ANKRD52: variants seen among roughly 807,000 people sequenced by gnomAD.
The protein encoded by ANKRD52 is serine/threonine-protein phosphatase 6 regulatory ankyrin repeat subunit C.
A neutral mutation model predicts 116.0 loss-of-function variants in ANKRD52; 7 were observed. The observed-to-expected ratio is 0.06, with a 90% CI of 0.03 to 0.11. ANKRD52 has a LOEUF of 0.11. ANKRD52 is among the 10% of genes least tolerant of loss of function. The pLI is 1.00. For synonymous variants in ANKRD52, 528 were observed against 578.1 expected (o/e 0.91, Z 1.24); for missense variants, 839 against 1,408.6 (o/e 0.60, Z 6.47).
Position 56,253,138 on chromosome 12 carries a change from G to T in ANKRD52, c.1101-52C>A. 2.0e-6 allele frequency: 3 copies of T among 1,489,302 alleles called. No individual in the cohort carries two copies. In the South Asian group the frequency reaches 3.9e-5, roughly 19 times the overall value. The allele number at this position is 1,489,302 out of a possible 1,614,324, so 92.3% of individuals were successfully genotyped here. On this transcript the variant is annotated intron_variant, in intron 10 of 27. Transcript: ENST00000267116. This position sits in a 1 kb window ranked among gnomAD's most constrained non-coding sequence, Gnocchi z 5.5. ...CTTGGGTCAAGGAGGGACCAAGTAA[G>T]ACCTCTTCTGTGACCTACCACCACC...
chr12:56,243,095 T>C lies in ANKRD52; in HGVS notation c.*47A>G, dbSNP rs993698975. 3.3e-6 allele frequency: 5 copies of C among 1,514,566 alleles called. No homozygotes were observed. Among genetic ancestry groups the C allele is most frequent in the East Asian group, 2.4e-5 (1 of 41,808 alleles). 93.8% of individuals were successfully genotyped at this position (1,514,566 alleles called of 1,614,324 possible). ...AATGTTTAGACTTTTTCTAAATAAA[T>C]AGAATTAGATATCAAGCCACCGGCG... On this transcript the variant is annotated 3_prime_UTR_variant, in exon 28 of 28. Transcript: ENST00000267116. The surrounding 1 kb of genome is among the most constrained non-coding windows in gnomAD (Gnocchi z 4.6).
At position 56,255,849 on chromosome 12, in the gene ANKRD52, G is replaced by T; in HGVS notation, c.397C>A (p.Leu133Ile). 6.3e-7 allele frequency: 1 copy of T among 1,578,644 alleles called. No individual in the cohort carries two copies. Among genetic ancestry groups the T allele is most frequent in the Admixed American group, 1.8e-5 (1 of 55,130 alleles). The change falls in exon 5 of 28, where the codon CTC becomes ATC. Residue 133 changes from leucine (L) to isoleucine (I), a missense_variant. By Grantham distance (5) the Leu-to-Ile change is conservative. Coordinates refer to ENST00000267116, the MANE Select transcript of ANKRD52 (RefSeq NM_173595.4). The surrounding 1 kb of genome is among the most constrained non-coding windows in gnomAD (Gnocchi z 4.3). Reference sequence around the variant, plus strand: ...CGCCCGCTCCTGTCAGCCACGTTGAGGCTGCTCAACAGGGGTGCCAGAGCC... The same window carrying T: ...CGCCCGCTCCTGTCAGCCACGTTGATGCTGCTCAACAGGGGTGCCAGAGCC... ...AEALAPLLSS[L>I]NVADRSGRSA... is the part of the protein sequence containing the mutation.
Position 56,242,266 on chromosome 12 carries a change from TAA to T in ANKRD52, c.*874_*875del, listed in dbSNP as rs2135875300. On this transcript the variant is annotated 3_prime_UTR_variant, in exon 28 of 28. Coordinates refer to ENST00000267116, the MANE Select transcript of ANKRD52 (RefSeq NM_173595.4). The surrounding 1 kb of genome is among the most constrained non-coding windows in gnomAD (Gnocchi z 4.3). The stretch of plus-strand genomic sequence containing the variant: ...TTAATTTGTTTCTTCCCCTAAAGGA[TAA>T]AACGCTTACTTAAAAATTCATGACA... 5.0e-6 allele frequency: 2 copies of T among 398,180 alleles called. No individual in the cohort carries two copies. The highest frequency in any genetic ancestry group is 7.1e-5 in the East Asian group (2 of 28,084). The allele number at this position is 398,180 out of a possible 1,614,324, so 24.7% of individuals were successfully genotyped here.
intron 2 of ANKRD52, 59 bp downstream of exon 2, chr12:56,257,769 G>A: frequency 1.3e-6 from 2 of 1,546,394 alleles, no homozygotes; most frequent in Non-Finnish European, 1.8e-6. Context: ...CGGTGGGGAG[G>A]GGTCCAGAAC....
At position 56,244,543 on chromosome 12, in the gene ANKRD52, C is replaced by T; in HGVS notation, c.2723-108G>A. The T allele has an allele frequency of 6.3e-7, 1 of 1,597,926 alleles. No homozygotes were observed. The highest frequency in any genetic ancestry group is 8.5e-7 in the Non-Finnish European group (1 of 1,170,786). The stretch of plus-strand genomic sequence containing the variant: ...CAGATGGCGAGACATCCAAAGACAA[C>T]CCTCTTGCTTTCTGAACCCCAGCCC... On this transcript the variant is annotated intron_variant, in intron 24 of 27. Transcript: ENST00000267116. This position sits in a 1 kb window ranked among gnomAD's most constrained non-coding sequence, Gnocchi z 4.9.
In ANKRD52 at chr12:56,238,616, G is replaced by C. The variant is rs1228134733; in HGVS notation, c.*4526C>G. 2.2e-5 allele frequency: 3 copies of C among 135,968 alleles called. No individual in the cohort carries two copies. Among genetic ancestry groups the C allele is most frequent in the African/African-American group, 8.2e-5 (3 of 36,792 alleles). The allele number at this position is 135,968 out of a possible 1,614,324, so 8.4% of individuals were successfully genotyped here. On this transcript the variant is annotated 3_prime_UTR_variant, in exon 28 of 28. Transcript: ENST00000267116. ...ATCTGCAAGACACACAGCAGCGAGA[G>C]TAGGCACCCTCCCTTCCCAGGCTTC...
Position 56,248,469 on chromosome 12 carries a change from C to A in ANKRD52, c.1776+26G>T. On this transcript the variant is annotated intron_variant, in intron 17 of 27. Transcript: ENST00000267116. The surrounding 1 kb of genome is among the most constrained non-coding windows in gnomAD (Gnocchi z 5.1). The stretch of plus-strand genomic sequence containing the variant: ...CTGGGAACAGGTAGGACAAGGAAGG[C>A]AACAGAAAAAAGACGTGGGACTCAC... 6.3e-7 allele frequency: 1 copy of A among 1,577,986 alleles called. No homozygotes were observed.
intron 20 of ANKRD52, among the ~76,000 whole-genome samples, chr12:56,247,164 G>A (rs1461422446): frequency 6.6e-6 from 1 of 150,652 alleles, no homozygotes; most frequent in African/African-American, 2.4e-5. Flanking sequence ...GGGCAAGATG[G>A]TAAGACCCCC....
At chr12:56,250,814 C>T (rs919498809) in intron 15 of ANKRD52, among the ~76,000 whole-genome samples, 43 of 151,436 alleles carry the variant, frequency 2.8e-4, no homozygotes, top group Admixed American at 1.3e-3. Context: ...CCTAGTTTCC[C>T]GTCATTAACA....
intron 2 of ANKRD52, 76 bp downstream of exon 2, chr12:56,257,752 G>T: frequency 7.1e-7 from 1 of 1,400,404 alleles, no homozygotes; most frequent in Non-Finnish European, 1.0e-6. Context: ...ACACGGAGCC[G>T]CCCCACCGGT....
chr12:56,257,244 G>C (rs1359786130), intron 3 of ANKRD52, 39 bp downstream of exon 3: 2 of 1,563,174 alleles, frequency 1.3e-6, no homozygotes, highest in Non-Finnish European at 1.7e-6. Flanking sequence ...CCCTCCCTTC[G>C]CTCCCTATGT....
chr12:56,256,000 G>T lies in ANKRD52; in HGVS notation c.262-16C>A. On this transcript the variant is annotated splice_polypyrimidine_tract_variant and intron_variant, in intron 4 of 27. Coordinates refer to ENST00000267116, the MANE Select transcript of ANKRD52 (RefSeq NM_173595.4). The surrounding 1 kb of genome is among the most constrained non-coding windows in gnomAD (Gnocchi z 4.3). ...CCAGCACCTTCTGTTGAGGGGCAGG[G>T]GACAAAAGAGAGAGTGGGAGCAGGA... 6.5e-7 allele frequency: 1 copy of T among 1,548,654 alleles called. No homozygotes were observed. The highest frequency in any genetic ancestry group is 8.8e-7 in the Non-Finnish European group (1 of 1,142,278).
In ANKRD52 at chr12:56,255,352, G is replaced by A. The variant is rs1393115004; in HGVS notation, c.463-400C>T. Among the ~76,000 whole-genome samples, 19 of 151,948 alleles carry A rather than the reference G, an allele frequency of 1.3e-4. No homozygotes were observed. Among genetic ancestry groups the A allele is most frequent in the Admixed American group, 9.2e-4 (14 of 15,252 alleles). ...ACTACAGGCGGCCGCCACCACACCC[G>A]GCTAATTTTTTGTATTTTTAGTAGA... On this transcript the variant is annotated intron_variant, in intron 5 of 27. Coordinates refer to ENST00000267116, the MANE Select transcript of ANKRD52 (RefSeq NM_173595.4). The surrounding 1 kb of genome is among the most constrained non-coding windows in gnomAD (Gnocchi z 4.3).
chr12:56,255,443 G>A lies in ANKRD52; in HGVS notation c.462+341C>T, dbSNP rs1364974892. Among the ~76,000 whole-genome samples the A allele has an allele frequency of 1.3e-5, 2 of 152,150 alleles. No homozygotes were observed. Among genetic ancestry groups the A allele is most frequent in the East Asian group, 1.9e-4 (1 of 5,188 alleles). ...CTGATCTCATGATCCACCCGCCTTC[G>A]CCTCCCAAAGTGCTGGGATTACAGG... On this transcript the variant is annotated intron_variant, in intron 5 of 27. Coordinates refer to ENST00000267116, the MANE Select transcript of ANKRD52 (RefSeq NM_173595.4). This position sits in a 1 kb window ranked among gnomAD's most constrained non-coding sequence, Gnocchi z 4.3.
chr12:56,252,427 C>A lies in ANKRD52; in HGVS notation c.1370+75G>T. On this transcript the variant is annotated intron_variant, in intron 13 of 27. Transcript: ENST00000267116. The surrounding 1 kb of genome is among the most constrained non-coding windows in gnomAD (Gnocchi z 4.7). ...CATTCTCCTTATTTAAGTCTCCAAT[C>A]TAAACCCTTCCTCCCTCTACCATTT... 1 of 1,594,794 alleles carries A rather than the reference C, an allele frequency of 6.3e-7. No individual in the cohort carries two copies. The highest frequency in any genetic ancestry group is 8.6e-7 in the Non-Finnish European group (1 of 1,163,186).
chr12:56,256,349 C>T (rs1328471848), intron 4 of ANKRD52, among the ~76,000 whole-genome samples: 1 of 152,216 alleles, frequency 6.6e-6, no homozygotes, highest in African/African-American at 2.4e-5. Flanking sequence ...AATGCTCTTG[C>T]TACATCTTGC....
rs1206530048 is a variant in ANKRD52, at chr12:56,252,784, C to T, written c.1297G>A (p.Gly433Arg). 1 of 1,613,326 alleles carries T rather than the reference C, an allele frequency of 6.2e-7. No homozygotes were observed. The highest frequency in any genetic ancestry group is 8.5e-7 in the Non-Finnish European group (1 of 1,179,782). The part of the protein sequence containing the change: ...GRTCLHAAAS[G>R]GNVECLNLLL... The stretch of plus-strand genomic sequence containing the variant: ...GGAGAGAGAAAGAGAACTCACCCTC[C>T]GGAAGCAGCAGCATGAAGACAGGTA... Residue 433 changes from glycine (G) to arginine (R), a missense_variant, in exon 12 of 28, where the codon GGA becomes AGA. This residue lies in a region of ANKRD52 where 287 missense variants were observed against 598.1 expected (regional missense o/e 0.48). Coordinates refer to ENST00000267116, the MANE Select transcript of ANKRD52 (RefSeq NM_173595.4). This position sits in a 1 kb window ranked among gnomAD's most constrained non-coding sequence, Gnocchi z 4.7.
chr12:56,253,044 G>C lies in ANKRD52; in HGVS notation c.1143C>G (p.Leu381=). The C allele has an allele frequency of 6.3e-7, 1 of 1,586,926 alleles. No homozygotes were observed. The highest frequency in any genetic ancestry group is 1.3e-5 in the African/African-American group (1 of 74,396). Reference sequence around the variant, plus strand: ...TACGACAACAGTCAGAGAATCCAAAGAGAACAGCTAAGTGCAGGGGGAACA... The same window carrying C: ...TACGACAACAGTCAGAGAATCCAAACAGAACAGCTAAGTGCAGGGGGAACA... The part of the protein sequence containing the change: ...HDMFPLHLAV[L]FGFSDCCRKL... The change falls in exon 11 of 28, where the codon CTC becomes CTG. Residue 381 remains leucine, a synonymous_variant. Coordinates refer to ENST00000267116, the MANE Select transcript of ANKRD52 (RefSeq NM_173595.4). The surrounding 1 kb of genome is among the most constrained non-coding windows in gnomAD (Gnocchi z 5.5).
At chr12:56,258,208 G>C in intron 1 of ANKRD52, 35 bp downstream of exon 1, 1 of 1,595,402 alleles carries the variant, frequency 6.3e-7, no homozygotes, top group Non-Finnish European at 8.5e-7. Context: ...GCCGAGCCCT[G>C]GAAGGAGGAA....
Sources: gnomAD v4.1 joint callset for allele counts (sites outside exome capture counted in the v4.1 genomes callset) on GRCh38, gnomAD v4.1.1 for gene constraint, gnomAD v4.1.1 regional missense constraint, Gnocchi (gnomAD v3.1) non-coding constraint, MANE v1.5 for transcripts, NCBI Gene and HGNC (gene_info 2026-07-23, HGNC 2026-07-21) for gene names.